Variants in MYH14 observed in about 807,000 individuals in gnomAD.
MYH14 encodes the protein myosin-14.
MYH14 carries 123 observed loss-of-function variants against 255.5 expected under a neutral mutation model. The ratio of observed to expected loss-of-function variants is 0.48; its 90% confidence interval spans 0.42 to 0.56. The LOEUF (loss-of-function observed/expected upper bound fraction) is 0.56. Ranked by LOEUF, MYH14 falls within the 20% of genes least tolerant of loss-of-function variation. The pLI, the probability that MYH14 is intolerant of heterozygous loss-of-function variation, is 0.00. For missense variants in MYH14, 2,423 were observed against 2,802.3 expected (o/e 0.86, Z 3.06); for synonymous variants, 1,095 against 1,161.2 (o/e 0.94, Z 1.16).
rs918532693 is a variant in MYH14, at chr19:50,309,945, T to C, written c.*155T>C. ...ATTTATCACCCCCACCTGGGTCCCC[T>C]GCAACCTCCCATCAAAGGATGACCC... On this transcript the variant is annotated 3_prime_UTR_variant, in exon 43 of 43. Transcript: ENST00000642316. 64 of 774,330 alleles carry C rather than the reference T, an allele frequency of 8.3e-5. No homozygotes were observed. In the East Asian group the frequency reaches 1.5e-3, roughly 19 times the overall value. 48.0% of individuals were successfully genotyped at this position (774,330 alleles called of 1,614,324 possible).
intron 36 of MYH14, among the ~76,000 whole-genome samples, chr19:50,291,682 T>C (rs1275155349): frequency 6.6e-6 from 1 of 152,074 alleles, no homozygotes. Context: ...CTGGCCAATA[T>C]GGTGAAACCC....
chr19:50,258,993 C>A, intron 18 of MYH14, 151 bp from the exon 19 acceptor site: 1 of 1,020,890 alleles, frequency 9.8e-7, no homozygotes, highest in Non-Finnish European at 1.4e-6. Flanking sequence ...CTGGTTTGAG[C>A]ATTGCTGTCT....
intron 6 of MYH14, 69 bp from the exon 7 acceptor site, chr19:50,225,516 C>T (rs939259368): frequency 7.9e-6 from 10 of 1,260,152 alleles, no homozygotes; most frequent in Admixed American, 2.0e-5. Context: ...AGACACAGCC[C>T]GAGCTGGGCT....
chr19:50,273,626 G>GTC (rs2035399472), intron 27 of MYH14, among the ~76,000 whole-genome samples: 1 of 151,836 alleles, frequency 6.6e-6, no homozygotes, highest in African/African-American at 2.4e-5. Context: ...GTGTGTGTGT[G>GTC]TGTGTGGTTA....
At chr19:50,295,032 C>T (rs1255772172) in intron 39 of MYH14, among the ~76,000 whole-genome samples, 2 of 132,464 alleles carry the variant, frequency 1.5e-5, no homozygotes, top group African/African-American at 5.8e-5. Flanking sequence ...TTTTTAAAAA[C>T]AGGCCAGGTG....
intron 36 of MYH14, 51 bp downstream of exon 36, chr19:50,291,099 CCCAA>C: frequency 2.5e-6 from 4 of 1,582,446 alleles, no homozygotes; most frequent in Non-Finnish European, 3.4e-6. Context: ...GTCTTCAAGC[CCCAA>C]CCATCACTCC....
intron 11 of MYH14, among the ~76,000 whole-genome samples, chr19:50,246,423 G>A (rs1279752616): frequency 6.6e-6 from 1 of 152,106 alleles, no homozygotes; most frequent in East Asian, 1.9e-4. Context: ...TGGGATTACG[G>A]GCGTGAGCCA....
intron 2 of MYH14, among the ~76,000 whole-genome samples, chr19:50,213,003 A>G (rs1244528403): frequency 1.3e-5 from 2 of 152,160 alleles, no homozygotes; most frequent in East Asian, 3.8e-4. Context: ...CCCAGGCTGC[A>G]GTGCAGCAGC....
chr19:50,309,370 C>T (rs1052874873), intron 42 of MYH14, 193 bp downstream of exon 42: 9 of 634,250 alleles, frequency 1.4e-5, no homozygotes, highest in Admixed American at 1.0e-4. Context: ...CCCATTTCTC[C>T]CTGTCATCTC....
At chr19:50,265,027 C>T (rs1006566531) in intron 22 of MYH14, among the ~76,000 whole-genome samples, 6 of 152,132 alleles carry the variant, frequency 3.9e-5, no homozygotes, top group African/African-American at 1.4e-4. Flanking sequence ...TACTATGTGC[C>T]CAGAACTTTT....
At chr19:50,267,159 C>T (rs2035117425) in intron 23 of MYH14, among the ~76,000 whole-genome samples, 151 bp downstream of exon 23, 1 of 151,662 alleles carries the variant, frequency 6.6e-6, no homozygotes. Flanking sequence ...CTAAGGTGTA[C>T]TGAGGCCGGG....
At chr19:50,258,286 G>T (rs1362737551) in intron 18 of MYH14, among the ~76,000 whole-genome samples, 1 of 152,058 alleles carries the variant, frequency 6.6e-6, no homozygotes, top group Non-Finnish European at 1.5e-5. Flanking sequence ...TAGCGTCTCT[G>T]AAGTCGAGAT....
chr19:50,275,781 G>A (rs575252948), intron 27 of MYH14, among the ~76,000 whole-genome samples: 262 of 152,324 alleles, frequency 1.7e-3, no homozygotes, highest in Non-Finnish European at 2.9e-3. Context: ...AGCCGTGACT[G>A]CACCACTGCA....
Position 50,276,782 on chromosome 19 carries a change from G to A in MYH14, c.3706G>A (p.Glu1236Lys), listed in dbSNP as rs760330757. 1.2e-6 allele frequency: 2 copies of A among 1,613,382 alleles called. No individual in the cohort carries two copies. Among genetic ancestry groups the A allele is most frequent in the African/African-American group, 2.7e-5 (2 of 74,912 alleles). Residue 1236 changes from glutamate (E) to lysine (K), a missense_variant, in exon 29 of 43, where the codon GAG becomes AAG. Glu to Lys is a moderately conservative substitution (Grantham distance 56, BLOSUM62 1). This residue lies in a region of MYH14 where 1,513 missense variants were observed against 1,674.8 expected (regional missense o/e 0.90). Transcript: ENST00000642316. The surrounding 1 kb of genome is among the most constrained non-coding windows in gnomAD (Gnocchi z 4.3). ...GTCCAAGAGGGAACAGGAGGTGACGGAGCTGAAGAAGACTCTGGAGGAGGA... is the reference window on the plus strand; with the variant it reads ...GTCCAAGAGGGAACAGGAGGTGACGAAGCTGAAGAAGACTCTGGAGGAGGA... ...LRSKREQEVT[E>K]LKKTLEEETR...
At chr19:50,208,424 AAAC>A in intron 1 of MYH14, among the ~76,000 whole-genome samples, 1 of 11,058 alleles carries the variant, frequency 9.0e-5, no homozygotes, top group African/African-American at 1.4e-4. Flanking sequence ...CAAAAAACAA[AAAC>A]AAACAAACAA....
chr19:50,207,257 A>AAGAGAGAGAGAGAGAGAG (rs2031827890), intron 1 of MYH14, among the ~76,000 whole-genome samples: 13 of 26,974 alleles, frequency 4.8e-4, no homozygotes, highest in South Asian at 3.0e-3. Context: ...GAGAGAGAGA[A>AAGAGAGAGAGAGAGAGAG]AGAGAGAGAG....
In MYH14 at chr19:50,230,946, T is replaced by A. The variant is rs977387260; in HGVS notation, c.973+323T>A. The A allele has an allele frequency of 3.0e-6, 1 of 334,862 alleles. No individual in the cohort carries two copies. Among genetic ancestry groups the A allele is most frequent in the African/African-American group, 2.1e-5 (1 of 47,042 alleles). 20.7% of individuals were successfully genotyped at this position (334,862 alleles called of 1,614,324 possible). On this transcript the variant is annotated intron_variant, in intron 9 of 42. Transcript: ENST00000642316. This position sits in a 1 kb window ranked among gnomAD's most constrained non-coding sequence, Gnocchi z 4.7. ...TCTCTCTCGCGCGGCTTCTCCTCAC[T>A]CCGGCGGGTGACTCCGGCTTTGCTG...
intron 10 of MYH14, among the ~76,000 whole-genome samples, chr19:50,240,669 G>A (rs1053756951): frequency 2.6e-5 from 4 of 152,130 alleles, no homozygotes; most frequent in Admixed American, 2.6e-4. Flanking sequence ...AGGCACAGTG[G>A]CTCATGCCTG....
chr19:50,207,271 C>CAGAGAGAGAGAGAGAGGGAG (rs2031837784), intron 1 of MYH14, among the ~76,000 whole-genome samples: 1 of 76,804 alleles, frequency 1.3e-5, no homozygotes, highest in Non-Finnish European at 2.5e-5. Context: ...GAGAGAGAGA[C>CAGAGAGAGAGAGAGAGGGAG]AGAGAGAGAG....
Sources: allele counts gnomAD v4.1 joint callset (sites outside exome capture counted in the v4.1 genomes callset), GRCh38; gene constraint gnomAD v4.1.1; regional missense constraint gnomAD v4.1.1; non-coding constraint Gnocchi (gnomAD v3.1); transcripts MANE v1.5; gene names NCBI Gene and HGNC (gene_info 2026-07-23, HGNC 2026-07-21).